The following NRG1 variants were observed in gnomAD, a reference collection of about 807,000 sequenced individuals.
NRG1 encodes the protein pro-neuregulin-1, membrane-bound isoform.
In NRG1, 18 loss-of-function variants were observed where a neutral mutation model predicts 63.8. The ratio of observed to expected loss-of-function variants is 0.28; its 90% CI spans 0.19 to 0.42. NRG1 has a LOEUF of 0.42. NRG1 is among the 10% of genes least tolerant of loss of function. NRG1 has a pLI of 1.00. For missense variants in NRG1, 762 were observed against 814.7 expected (o/e 0.94, Z 0.79); for synonymous variants, 302 against 301.3 (o/e 1.00, Z -0.02).
chr8:31,784,438 T>C (rs1460925955), intron 1 of NRG1, among the ~76,000 whole-genome samples: 2 of 152,184 alleles, frequency 1.3e-5, no homozygotes, highest in Non-Finnish European at 2.9e-5. Flanking sequence ...AAGATAAATG[T>C]AATTGTTTTT....
chr8:32,566,381 T>G (rs913090622), intron 1 of NRG1, among the ~76,000 whole-genome samples: 8 of 151,422 alleles, frequency 5.3e-5, no homozygotes, highest in African/African-American at 1.9e-4. Flanking sequence ...TTTAGTTCTC[T>G]GGGGCTAAAT....
intron 2 of NRG1, among the ~76,000 whole-genome samples, chr8:32,600,848 T>C (rs1044008488): frequency 6.6e-6 from 1 of 152,128 alleles, no homozygotes; most frequent in Admixed American, 6.6e-5. Context: ...TTCCTCCAGA[T>C]CCCTAGAAAA....
At chr8:31,786,516 C>A (rs1820189188) in intron 1 of NRG1, among the ~76,000 whole-genome samples, 1 of 152,142 alleles carries the variant, frequency 6.6e-6, no homozygotes, top group Admixed American at 6.6e-5. Flanking sequence ...AGCTTGAGAG[C>A]TCAGTCCCTA....
At chr8:32,750,289 G>T (rs1349123702) in intron 7 of NRG1, among the ~76,000 whole-genome samples, 1 of 152,116 alleles carries the variant, frequency 6.6e-6, no homozygotes, top group South Asian at 2.1e-4. Flanking sequence ...TAATCAAATA[G>T]AAAATTTCAC....
At chr8:32,684,801 A>G (rs1402996521) in intron 5 of NRG1, among the ~76,000 whole-genome samples, 2 of 152,068 alleles carry the variant, frequency 1.3e-5, no homozygotes, top group African/African-American at 4.8e-5. Context: ...GCAGAAAGGT[A>G]ATTAGGTAGG....
chr8:32,257,694 T>G (rs1586442834), intron 1 of NRG1, among the ~76,000 whole-genome samples: 1 of 152,288 alleles, frequency 6.6e-6, no homozygotes, highest in East Asian at 1.9e-4. Context: ...TACCCTGCCA[T>G]GAAGTGATAA....
At chr8:31,836,254 C>CTTA (rs565102004) in intron 1 of NRG1, among the ~76,000 whole-genome samples, 41 of 152,234 alleles carry the variant, frequency 2.7e-4, no homozygotes, top group African/African-American at 9.6e-4. Flanking sequence ...TAAGACTTTG[C>CTTA]TTATATTTAC....
intron 1 of NRG1, among the ~76,000 whole-genome samples, chr8:31,998,230 T>C (rs1436046714): frequency 6.6e-6 from 1 of 152,030 alleles, no homozygotes; most frequent in Non-Finnish European, 1.5e-5. Context: ...AATAATGCTG[T>C]TGCCATAAAG....
chr8:32,399,687 G>C (rs535105506), intron 1 of NRG1, among the ~76,000 whole-genome samples: 2 of 152,302 alleles, frequency 1.3e-5, no homozygotes, highest in African/African-American at 2.4e-5. Context: ...CTGTGCAACA[G>C]AGAGAGACTT....
intron 1 of NRG1, among the ~76,000 whole-genome samples, chr8:32,282,216 C>T (rs557691890): frequency 4.6e-5 from 7 of 152,164 alleles, no homozygotes; most frequent in Non-Finnish European, 1.0e-4. Flanking sequence ...CAAAGTATCA[C>T]CCACAATGCA....
chr8:32,155,033 A>G (rs1177814754), intron 1 of NRG1, among the ~76,000 whole-genome samples: 3 of 152,194 alleles, frequency 2.0e-5, no homozygotes, highest in African/African-American at 7.2e-5. Context: ...TTTTCACCCA[A>G]CATGCCTGGT....
intron 6 of NRG1, among the ~76,000 whole-genome samples, chr8:32,738,110 A>C (rs1005052281): frequency 3.3e-5 from 5 of 152,142 alleles, no homozygotes; most frequent in Admixed American, 6.6e-5. Context: ...AAATGATCAG[A>C]ATGTGATCAT....
In NRG1 at chr8:31,640,051, G is replaced by T. The variant is rs1390495162; in HGVS notation, c.37+620G>T. ...CCCCCGGGCCCAGCGCCCCGGCTCC[G>T]CCGCCCGCTCGTCGCCGCCGCTGCC... is the stretch of plus-strand genomic sequence containing the variant. On this transcript the variant is annotated intron_variant, in intron 1 of 10. Transcript: ENST00000519301. The surrounding 1 kb of genome is among the most constrained non-coding windows in gnomAD (Gnocchi z 6.3). The T allele has an allele frequency of 1.7e-6, 2 of 1,142,858 alleles. No individual in the cohort carries two copies. Among genetic ancestry groups the T allele is most frequent in the Non-Finnish European group, 2.1e-6 (2 of 932,754 alleles). The allele number at this position is 1,142,858 out of a possible 1,614,324, so 70.8% of individuals were successfully genotyped here.
At chr8:31,743,462 A>C (rs1211819197) in intron 1 of NRG1, among the ~76,000 whole-genome samples, 1 of 152,006 alleles carries the variant, frequency 6.6e-6, no homozygotes. Flanking sequence ...TCAAGTACCA[A>C]GTGTCTTTGA....
In NRG1 at chr8:31,711,799, C is replaced by T. The variant is rs558307464; in HGVS notation, c.37+72368C>T. Reference sequence around the variant, plus strand: ...GCAGATCTGTGTCTGGTGAGGGCTGCTTCCTGGTTCATAGATTCTGTCTTT... The same window carrying T: ...GCAGATCTGTGTCTGGTGAGGGCTGTTTCCTGGTTCATAGATTCTGTCTTT... On this transcript the variant is annotated intron_variant, in intron 1 of 10. Coordinates refer to the NRG1 transcript ENST00000519301. Among the ~76,000 whole-genome samples, 4 of 152,276 alleles carry T rather than the reference C, an allele frequency of 2.6e-5. No homozygotes were observed. The South Asian group carries it at 8.3e-4, about 32-fold the overall frequency.
intron 1 of NRG1, among the ~76,000 whole-genome samples, chr8:32,193,196 C>T (rs1842656948): frequency 1.3e-5 from 2 of 152,006 alleles, no homozygotes; most frequent in Admixed American, 1.3e-4. Flanking sequence ...GGGGAGGATC[C>T]TTTATTTGTG....
At chr8:32,548,630 C>G (rs7834206) in exon 1 of NRG1, 53 of 1,444,344 alleles carry the variant, frequency 3.7e-5, no homozygotes, top group Middle Eastern at 1.8e-4. Flanking sequence ...CGCTCTCCCC[C>G]TCGAGGGACA....
chr8:31,857,235 C>T (rs964348708), intron 1 of NRG1, among the ~76,000 whole-genome samples: 4 of 152,232 alleles, frequency 2.6e-5, no homozygotes, highest in Admixed American at 2.6e-4. Flanking sequence ...GCAGTTTGAT[C>T]TCAGACTGCT....
At chr8:32,639,110 T>C (rs923145566) in intron 5 of NRG1, among the ~76,000 whole-genome samples, 21 of 152,256 alleles carry the variant, frequency 1.4e-4, no homozygotes, top group African/African-American at 4.6e-4. Context: ...TTTTCAGGTT[T>C]AGAAATGTGA....
Sources: allele counts gnomAD v4.1 joint callset (sites outside exome capture counted in the v4.1 genomes callset), GRCh38; gene constraint gnomAD v4.1.1; non-coding constraint Gnocchi (gnomAD v3.1); transcripts MANE v1.5; gene names NCBI Gene and HGNC (gene_info 2026-07-23, HGNC 2026-07-21).